Variants in TNFRSF10B observed in about 807,000 individuals in gnomAD.
TNFRSF10B encodes the protein TNF receptor superfamily member 10b, also known as tumor necrosis factor receptor superfamily member 10B.
TNFRSF10B carries 35 observed loss-of-function variants against 41.4 expected under a neutral mutation model. The ratio of observed to expected loss-of-function variants is 0.85; its 90% CI spans 0.65 to 1.12. The LOEUF is 1.12. Ranked by LOEUF, TNFRSF10B falls within the 50% of genes most tolerant of loss-of-function variation. TNFRSF10B has a pLI of 0.00. For missense variants in TNFRSF10B, 584 were observed against 552.7 expected, an observed-to-expected ratio of 1.06 and a Z score of -0.57; for synonymous variants, 230 against 215.5, an observed-to-expected ratio of 1.07 and a Z score of -0.59.
At chr8:23,035,516 T>C (rs1313458331) in intron 2 of TNFRSF10B, among the ~76,000 whole-genome samples, 2 of 152,166 alleles carry the variant, frequency 1.3e-5, no homozygotes, top group Non-Finnish European at 2.9e-5. Context: ...GACATTATAC[T>C]GATTGAACCT....
intron 1 of TNFRSF10B, among the ~76,000 whole-genome samples, chr8:23,047,727 G>C (rs1812405601): frequency 6.6e-6 from 1 of 152,164 alleles, no homozygotes; most frequent in South Asian, 2.1e-4. Flanking sequence ...AGGATATGGA[G>C]AAAAGGGAAC....
chr8:23,032,368 G>A (rs140365967), intron 2 of TNFRSF10B, among the ~76,000 whole-genome samples: 186 of 152,220 alleles, frequency 1.2e-3, no homozygotes, highest in East Asian at 8.7e-3. Flanking sequence ...GGAAGAAAAC[G>A]GGAGGAATCT....
At chr8:23,058,570 C>T (rs1413361439) in intron 1 of TNFRSF10B, among the ~76,000 whole-genome samples, 1 of 151,940 alleles carries the variant, frequency 6.6e-6, no homozygotes, top group African/African-American at 2.4e-5. Flanking sequence ...ACCACAACCT[C>T]TGCCTCCCAG....
At chr8:23,054,807 A>G (rs910065042) in intron 1 of TNFRSF10B, among the ~76,000 whole-genome samples, 1 of 152,218 alleles carries the variant, frequency 6.6e-6, no homozygotes, top group African/African-American at 2.4e-5. Flanking sequence ...CTCGGCTTTA[A>G]AAAGGTCTTA....
At chr8:23,026,808 G>A (rs569666254) in intron 7 of TNFRSF10B, among the ~76,000 whole-genome samples, 1 of 152,298 alleles carries the variant, frequency 6.6e-6, no homozygotes, top group Admixed American at 6.5e-5. Flanking sequence ...ACAAGCAAGG[G>A]CTCACTGACT....
chr8:23,028,244 AG>A, intron 5 of TNFRSF10B, 86 bp downstream of exon 5: 1 of 1,583,094 alleles, frequency 6.3e-7, no homozygotes. Context: ...GACTTGGGGC[AG>A]GGGCAGGCGT....
rs7831748 is a variant in TNFRSF10B at position 23,060,290 on chromosome 8, T to C, written c.144+8461A>G. Among the ~76,000 whole-genome samples the C allele has an allele frequency of 2.9e-3, 438 of 152,352 alleles. 1 individual carries two copies. Among genetic ancestry groups the C allele is most frequent in the Middle Eastern group, 0.014 (4 of 294 alleles). ...AGCTTTAGCACTTACATTTACATCTTTTATTTGTTTTTAGCTATTTTTTAA... is the reference window on the plus strand; with the variant it reads ...AGCTTTAGCACTTACATTTACATCTCTTATTTGTTTTTAGCTATTTTTTAA... On this transcript the variant is annotated intron_variant, in intron 1 of 8. Coordinates refer to ENST00000276431, the MANE Select transcript of TNFRSF10B (RefSeq NM_003842.5).
intron 1 of TNFRSF10B, among the ~76,000 whole-genome samples, chr8:23,045,167 T>C (rs1051958699): frequency 6.7e-6 from 1 of 148,934 alleles, no homozygotes; most frequent in Non-Finnish European, 1.5e-5. Context: ...GAGGTGAAAG[T>C]GGCAGTAAGC....
At position 23,029,592 on chromosome 8, in the gene TNFRSF10B, C is replaced by G. The variant is rs748274331; in HGVS notation, c.476+18G>C. ...GGGGTTCCATGGAGCTACTGGGAGC[C>G]CCCGGCTCCTGTCTCACCCTGTGCG... On this transcript the variant is annotated intron_variant, in intron 4 of 8. Transcript: ENST00000276431. The G allele has an allele frequency of 1.3e-6, 2 of 1,599,258 alleles. No individual in the cohort carries two copies. The highest frequency in any genetic ancestry group is 4.5e-5 in the East Asian group (2 of 44,662).
intron 1 of TNFRSF10B, 73 bp downstream of exon 1, chr8:23,068,678 T>TC: frequency 1.3e-6 from 2 of 1,524,350 alleles, no homozygotes; most frequent in South Asian, 1.2e-5. Context: ...CCCCGCCGTG[T>TC]CCCCCTCTCT....
intron 2 of TNFRSF10B, among the ~76,000 whole-genome samples, chr8:23,033,806 G>GA (rs1811954753): frequency 2.6e-5 from 4 of 151,886 alleles, no homozygotes; most frequent in Non-Finnish European, 5.9e-5. Flanking sequence ...ACCAGAAGAG[G>GA]GGGGGAGAGA....
Position 23,028,442 on chromosome 8 carries a change from C to G in TNFRSF10B, c.637G>C (p.Gly213Arg). 1.2e-6 allele frequency: 2 copies of G among 1,614,180 alleles called. No individual in the cohort carries two copies. The highest frequency in any genetic ancestry group is 1.7e-6 in the Non-Finnish European group (2 of 1,180,016). ...GTPASPCSLS[G>R]IIIGVTVAAV... The stretch of plus-strand genomic sequence containing the variant: ...GCAACTGTGACTCCTATGATGATGC[C>G]TGAGAGAGAACAGGGAGAGGCAGGA... The change falls in exon 5 of 9, where the codon GGC becomes CGC. Residue 213 changes from glycine to arginine, a missense_variant. Coordinates refer to ENST00000276431, the MANE Select transcript of TNFRSF10B (RefSeq NM_003842.5).
rs1049122455 is a variant in TNFRSF10B at position 23,022,012 on chromosome 8, G to A, written c.*659C>T. On this transcript the variant is annotated 3_prime_UTR_variant, in exon 9 of 9. Coordinates refer to ENST00000276431, the MANE Select transcript of TNFRSF10B (RefSeq NM_003842.5). ...GGGGGCTCACGCCTCTAATTCCACCGCTTTGGGAGTCTGAGGTGGGCAGAC... is the reference window on the plus strand; with the variant it reads ...GGGGGCTCACGCCTCTAATTCCACCACTTTGGGAGTCTGAGGTGGGCAGAC... 24 of 451,332 alleles carry A rather than the reference G, an allele frequency of 5.3e-5. No individual in the cohort carries two copies. The highest frequency in any genetic ancestry group is 1.9e-4 in the Admixed American group (8 of 42,430). 28.0% of individuals were successfully genotyped at this position (451,332 alleles called of 1,614,324 possible).
At chr8:23,050,981 C>T (rs1038966762) in intron 1 of TNFRSF10B, among the ~76,000 whole-genome samples, 2 of 152,060 alleles carry the variant, frequency 1.3e-5, no homozygotes, top group African/African-American at 2.4e-5. Context: ...GGCTGAGGCA[C>T]GAGAATTGCT....
At chr8:23,036,519 G>C (rs1041691997) in intron 2 of TNFRSF10B, among the ~76,000 whole-genome samples, 5 of 152,212 alleles carry the variant, frequency 3.3e-5, no homozygotes, top group Non-Finnish European at 7.3e-5. Flanking sequence ...CACATCCACT[G>C]TCTGGGACGT....
At chr8:23,041,603 TAAAAAAAAAAA>T (rs199893473) in intron 2 of TNFRSF10B, among the ~76,000 whole-genome samples, 1 of 121,238 alleles carries the variant, frequency 8.2e-6, no homozygotes, top group Non-Finnish European at 1.8e-5. Flanking sequence ...CTCAATGATT[TAAAAAAAAAAA>T]AAAAAAAAAC....
At chr8:23,065,908 T>A (rs1812967153) in intron 1 of TNFRSF10B, among the ~76,000 whole-genome samples, 1 of 152,174 alleles carries the variant, frequency 6.6e-6, no homozygotes, top group Non-Finnish European at 1.5e-5. Flanking sequence ...GTTGATAGAT[T>A]AAATAACTTA....
chr8:23,037,715 A>G (rs1173661723), intron 2 of TNFRSF10B, among the ~76,000 whole-genome samples: 1 of 152,166 alleles, frequency 6.6e-6, no homozygotes, highest in Non-Finnish European at 1.5e-5. Context: ...GCTTTTTGAA[A>G]ACTCATTTAC....
intron 1 of TNFRSF10B, among the ~76,000 whole-genome samples, chr8:23,050,198 T>C (rs180741643): frequency 6.6e-5 from 10 of 152,350 alleles, no homozygotes; most frequent in Admixed American, 3.3e-4. Context: ...ATACACCCAC[T>C]TTCCCTTTGG....
Sources: allele counts gnomAD v4.1 joint callset (sites outside exome capture counted in the v4.1 genomes callset), GRCh38; gene constraint gnomAD v4.1.1; transcripts MANE v1.5; gene names NCBI Gene and HGNC (gene_info 2026-07-23, HGNC 2026-07-21).